FAM50B: variants seen among roughly 807,000 people sequenced by gnomAD.
FAM50B encodes the protein family with sequence similarity 50 member B.
FAM50B carries 9 observed loss-of-function variants against 25.4 expected under a neutral mutation model. The observed-to-expected ratio is 0.35, with a 90% CI of 0.21 to 0.62. FAM50B has a LOEUF of 0.62. Ranked by LOEUF, FAM50B falls within the 20% of genes least tolerant of loss-of-function variation. The pLI, the probability that FAM50B is intolerant of heterozygous loss-of-function variation, is 0.73. For missense variants in FAM50B, 372 were observed against 477.9 expected (o/e 0.78, Z 2.07); for synonymous variants, 212 against 204.3 (o/e 1.04, Z -0.32).
At position 3,849,630 on chromosome 6, in the gene FAM50B, C is replaced by T. The variant is rs985842365; in HGVS notation, c.-24+144C>T. The T allele has an allele frequency of 4.6e-6, 5 of 1,080,832 alleles. No individual in the cohort carries two copies. In the South Asian group the frequency reaches 5.5e-5, roughly 12 times the overall value. The allele number at this position is 1,080,832 out of a possible 1,614,324, so 67.0% of individuals were successfully genotyped here. A position where few individuals can be genotyped will look rare whatever the true frequency, so the allele number is the denominator to read the frequency against. On this transcript the variant is annotated intron_variant, in intron 1 of 1. Transcript: ENST00000648326. ...CAAATAAAATGCTGGAAATTGGTGC[C>T]TGGTGACACTGTCAGGTTGGTGGTT...
At chr6:3,847,369 C>T (rs1762135722), upstream of FAM50B, among the ~76,000 whole-genome samples, 1 of 152,240 alleles carries the variant, frequency 6.6e-6, no homozygotes, top group African/African-American at 2.4e-5. Flanking sequence ...TGCAGCTTCT[C>T]CATCACACTT....
chr6:3,842,710 C>A, the FAM50B span, among the ~76,000 whole-genome samples: 85 of 152,338 alleles, frequency 5.6e-4, no homozygotes, highest in African/African-American at 1.8e-3. Flanking sequence ...CACTCGCTAC[C>A]TTCACCCAGC....
chr6:3,846,293 C>CA (rs1762121921), upstream of FAM50B, among the ~76,000 whole-genome samples: 1 of 152,172 alleles, frequency 6.6e-6, no homozygotes, highest in African/African-American at 2.4e-5. Flanking sequence ...GACAGTCACA[C>CA]AAATTTTTAA....
chr6:3,841,828 T>C, the FAM50B span, among the ~76,000 whole-genome samples: 1 of 152,208 alleles, frequency 6.6e-6, no homozygotes, highest in Non-Finnish European at 1.5e-5. Flanking sequence ...TATCCAGGAA[T>C]CCTGCAGCAG....
At chr6:3,834,359 C>CAAAAAAAAAAAAAAAAAAAAAAAAGA in the FAM50B span, among the ~76,000 whole-genome samples, 1 of 75,048 alleles carries the variant, frequency 1.3e-5, no homozygotes, top group African/African-American at 4.4e-5. Flanking sequence ...TGATATATGG[C>CAAAAAAAAAAAAAAAAAAAAAAAAGA]AAAAAAAAAA....
chr6:3,831,941 C>T, the FAM50B span: 1 of 152,184 alleles, frequency 6.6e-6, no homozygotes, highest in Non-Finnish European at 1.5e-5. Context: ...TGCATATCAT[C>T]CCTGCCCATT....
At chr6:3,841,254 T>C in the FAM50B span, among the ~76,000 whole-genome samples, 1 of 152,266 alleles carries the variant, frequency 6.6e-6, no homozygotes, top group Non-Finnish European at 1.5e-5. Flanking sequence ...CCAAGTAAAA[T>C]ACAGACTGGC....
At chr6:3,844,811 CACA>C (rs1762103398), upstream of FAM50B, among the ~76,000 whole-genome samples, 1 of 152,158 alleles carries the variant, frequency 6.6e-6, no homozygotes, top group Non-Finnish European at 1.5e-5. Flanking sequence ...GATCTATGTG[CACA>C]TAAAATATTG....
At position 3,849,691 on chromosome 6, in the gene FAM50B, A is replaced by G; in HGVS notation, c.-23-98A>G. 2.8e-6 allele frequency: 4 copies of G among 1,432,354 alleles called. No homozygotes were observed. In the African/African-American group the frequency reaches 4.3e-5, roughly 15 times the overall value. 88.7% of individuals were successfully genotyped at this position (1,432,354 alleles called of 1,614,324 possible). ...GTCGGCCCAGCCCCTGAACGCTTCC[A>G]TCACTGCCGAAAGCCCTGTGAGGAG... On this transcript the variant is annotated intron_variant, in intron 1 of 1. Transcript: ENST00000648326.
Position 3,850,147 on chromosome 6 carries a change from G to A in FAM50B, c.336G>A (p.Glu112=), listed in dbSNP as rs1239785653. 5 of 1,611,860 alleles carry A rather than the reference G, an allele frequency of 3.1e-6. No homozygotes were observed. In the Admixed American group the frequency reaches 8.3e-5, roughly 27 times the overall value. Residue 112 remains glutamate, a synonymous_variant, in exon 2 of 2, where the codon GAG becomes GAA. Transcript: ENST00000648326. ...AGCGGGAGCAGGAGCAGCGGCGCGA[G>A]CGCAAGCGTAAGATCTCCTGCCTGT... The part of the protein sequence containing the change: ...ERQREQEQRR[E]RKRKISCLSF...
At chr6:3,846,694 C>T (rs1056278313), upstream of FAM50B, among the ~76,000 whole-genome samples, 1 of 152,228 alleles carries the variant, frequency 6.6e-6, no homozygotes, top group Non-Finnish European at 1.5e-5. Flanking sequence ...CTGTGAATGT[C>T]CTTCATGGCA....
chr6:3,835,891 G>A, the FAM50B span, among the ~76,000 whole-genome samples: 25 of 152,114 alleles, frequency 1.6e-4, no homozygotes, highest in Non-Finnish European at 2.4e-4. Context: ...TTTGGGTGCC[G>A]CATTTCCAGC....
At chr6:3,848,173 T>C (rs1372801498), upstream of FAM50B, among the ~76,000 whole-genome samples, 1 of 152,262 alleles carries the variant, frequency 6.6e-6, no homozygotes, top group Non-Finnish European at 1.5e-5. Flanking sequence ...CAGTAGGCGC[T>C]TGACGCTGTG....
At chr6:3,836,094 A>T in the FAM50B span, among the ~76,000 whole-genome samples, 1 of 152,140 alleles carries the variant, frequency 6.6e-6, no homozygotes, top group African/African-American at 2.4e-5. Flanking sequence ...CATTCATCAA[A>T]CATTTCTGAG....
chr6:3,843,279 A>C, the FAM50B span, among the ~76,000 whole-genome samples: 1 of 152,252 alleles, frequency 6.6e-6, no homozygotes, highest in African/African-American at 2.4e-5. Context: ...ACACCAGAAG[A>C]AGCAACTGAA....
At position 3,850,219 on chromosome 6, in the gene FAM50B, C is replaced by G; in HGVS notation, c.408C>G (p.Ala136=). 1 of 1,613,310 alleles carries G rather than the reference C, an allele frequency of 6.2e-7. No individual in the cohort carries two copies. Among genetic ancestry groups the G allele is most frequent in the South Asian group, 1.1e-5 (1 of 91,068 alleles). Residue 136 remains alanine (A), a synonymous_variant, in exon 2 of 2, where the codon GCC becomes GCG. Coordinates refer to ENST00000648326, the MANE Select transcript of FAM50B (RefSeq NM_012135.3). The part of the protein sequence containing the change: ...DLDDQADAAE[A]RRAGNLGKNP... ...ATGACCAGGCCGACGCGGCCGAGGC[C>G]AGGCGCGCCGGAAACCTGGGCAAGA...
chr6:3,841,056 A>G, the FAM50B span, among the ~76,000 whole-genome samples: 6 of 152,230 alleles, frequency 3.9e-5, no homozygotes, highest in African/African-American at 1.4e-4. Context: ...ACCACAATCA[A>G]TGGTGCTTCT....
the FAM50B span, among the ~76,000 whole-genome samples, chr6:3,841,151 G>A: frequency 6.6e-6 from 1 of 152,324 alleles, no homozygotes; most frequent in East Asian, 1.9e-4. Flanking sequence ...AACAAGAATT[G>A]TCCTGTGTAT....
chr6:3,847,062 C>A (rs1762132010), upstream of FAM50B, among the ~76,000 whole-genome samples: 1 of 152,180 alleles, frequency 6.6e-6, no homozygotes, highest in African/African-American at 2.4e-5. Context: ...TTTTGTTGTT[C>A]CATTTACAGA....
Sources: gnomAD v4.1 joint callset for allele counts (sites outside exome capture counted in the v4.1 genomes callset) on GRCh38, gnomAD v4.1.1 for gene constraint, MANE v1.5 for transcripts, NCBI Gene and HGNC (gene_info 2026-07-23, HGNC 2026-07-21) for gene names.